The following CSDC2 variants were observed in gnomAD, a reference collection of about 807,000 sequenced individuals.
CSDC2 encodes cold shock domain containing C2, also known as cold shock domain-containing protein C2.
Under a neutral mutation model 15.8 loss-of-function variants are expected in CSDC2, and 8 were observed. The ratio of observed to expected loss-of-function variants is 0.51; its 90% CI spans 0.30 to 0.92. The LOEUF (loss-of-function observed/expected upper bound fraction) is 0.92, where lower values mean the gene tolerates loss of function less well. CSDC2 is among the 40% of genes least tolerant of loss of function. CSDC2 has a pLI of 0.07. For synonymous variants in CSDC2, 96 were observed against 92.3 expected, an observed-to-expected ratio of 1.04 and a Z score of -0.23; for missense variants, 195 against 213.3, an observed-to-expected ratio of 0.91 and a Z score of 0.53.
At chr22:41,570,995 A>AC (rs970566299) in intron 1 of CSDC2, among the ~76,000 whole-genome samples, 1 of 151,370 alleles carries the variant, frequency 6.6e-6, no homozygotes, top group Non-Finnish European at 1.5e-5. Context: ...AAAAAAAAAA[A>AC]AAAACAAAGG....
intron 1 of CSDC2, among the ~76,000 whole-genome samples, chr22:41,563,000 G>A (rs958737184): frequency 6.6e-6 from 1 of 152,036 alleles, no homozygotes; most frequent in Non-Finnish European, 1.5e-5. Context: ...ACTGGGGTGC[G>A]TATTTGGCTC....
At chr22:41,570,591 G>A (rs1291984062) in intron 1 of CSDC2, among the ~76,000 whole-genome samples, 3 of 152,096 alleles carry the variant, frequency 2.0e-5, no homozygotes, top group Non-Finnish European at 4.4e-5. Context: ...GGAGGCCGAG[G>A]GAGGTAGATC....
chr22:41,574,845 G>T lies in CSDC2; in HGVS notation c.412G>T (p.Ala138Ser). 6.2e-7 allele frequency: 1 copy of T among 1,611,576 alleles called. No individual in the cohort carries two copies. The highest frequency in any genetic ancestry group is 8.5e-7 in the Non-Finnish European group (1 of 1,179,156). The change falls in exon 4 of 4, where the codon GCC (alanine) becomes TCC (serine). Residue 138 changes from alanine (A) to serine (S), a missense_variant. Coordinates refer to ENST00000306149, the MANE Select transcript of CSDC2 (RefSeq NM_014460.4). ...QAVEVVLTQL[A>S]PHTPHETWSG... ...CGTGGAGGTGGTGCTCACTCAGCTG[G>T]CCCCCCACACTCCCCACGAGACGTG... is the stretch of plus-strand genomic sequence containing the variant.
intron 1 of CSDC2, among the ~76,000 whole-genome samples, chr22:41,567,980 C>T (rs943799376): frequency 2.0e-5 from 3 of 152,200 alleles, no homozygotes; most frequent in Non-Finnish European, 4.4e-5. Context: ...ACTCCCTCTT[C>T]CCTCAACACC....
At chr22:41,574,648 C>A in intron 3 of CSDC2, 85 bp from the exon 4 acceptor site, 1 of 1,513,620 alleles carries the variant, frequency 6.6e-7, no homozygotes, top group Non-Finnish European at 8.9e-7. Flanking sequence ...AGGCTTAGGG[C>A]CAGGCTGCCC....
chr22:41,563,185 C>T (rs920930039), intron 1 of CSDC2, among the ~76,000 whole-genome samples: 6 of 152,138 alleles, frequency 3.9e-5, no homozygotes, highest in African/African-American at 9.7e-5. Flanking sequence ...CGCAGGCACA[C>T]AGGCTGTGTG....
At chr22:41,572,934 GGT>G (rs2067155523) in intron 2 of CSDC2, among the ~76,000 whole-genome samples, 3 of 152,144 alleles carry the variant, frequency 2.0e-5, no homozygotes, top group Non-Finnish European at 4.4e-5. Flanking sequence ...GGAGTGCAGT[GGT>G]GCAGTCATGG....
chr22:41,574,610 A>G, intron 3 of CSDC2, 123 bp from the exon 4 acceptor site: 9 of 1,143,310 alleles, frequency 7.9e-6, no homozygotes, highest in Non-Finnish European at 1.1e-5. Flanking sequence ...CTGAGAAGCA[A>G]GGCCTGGCCA....
intron 1 of CSDC2, among the ~76,000 whole-genome samples, chr22:41,567,464 A>G (rs1480760463): frequency 6.6e-6 from 1 of 152,274 alleles, no homozygotes; most frequent in Non-Finnish European, 1.5e-5. Context: ...CATTCAGCCA[A>G]TGAAAGCCTC....
chr22:41,574,082 TG>T (rs1368913207), intron 3 of CSDC2, among the ~76,000 whole-genome samples: 2 of 152,148 alleles, frequency 1.3e-5, no homozygotes, highest in Non-Finnish European at 2.9e-5. Context: ...GGCCTTCATG[TG>T]GGTGGGCCAG....
chr22:41,572,431 TCCAC>T (rs1569049185), intron 2 of CSDC2, among the ~76,000 whole-genome samples: 7 of 116,506 alleles, frequency 6.0e-5, no homozygotes, highest in Non-Finnish European at 1.1e-4. Context: ...CATCCATCCA[TCCAC>T]CTGTCCATCC....
At chr22:41,572,382 A>T (rs1228570277) in intron 2 of CSDC2, among the ~76,000 whole-genome samples, 1 of 58,746 alleles carries the variant, frequency 1.7e-5, no homozygotes, top group Non-Finnish European at 3.3e-5. Flanking sequence ...CCACCCACCC[A>T]CCCACCCATC....
chr22:41,566,269 C>T lies in CSDC2; in HGVS notation c.-124+5086C>T, dbSNP rs1026531402. The stretch of plus-strand genomic sequence containing the variant: ...GACCATCCTGGCCAACATGGTGAAA[C>T]CTTGTCTGTACTAAAATACAAAAAA... On this transcript the variant is annotated intron_variant, in intron 1 of 3. Transcript: ENST00000306149. Among the ~76,000 whole-genome samples, 7 of 151,522 alleles carry T rather than the reference C, an allele frequency of 4.6e-5. No homozygotes were observed. The East Asian group carries it at 1.4e-3, about 30-fold the overall frequency.
chr22:41,572,047 C>T lies in CSDC2; in HGVS notation c.82C>T (p.His28Tyr), dbSNP rs780809577. ...CCCAGTCTGGCCCACCTTCCCCTTCCACAGGGAGGGCAGCAGGGTCTGGGA... is the reference window on the plus strand; with the variant it reads ...CCCAGTCTGGCCCACCTTCCCCTTCTACAGGGAGGGCAGCAGGGTCTGGGA... ...KSPVWPTFPF[H>Y]REGSRVWERG... The change falls in exon 2 of 4, where the codon CAC becomes TAC. Residue 28 changes from histidine (H) to tyrosine (Y), a missense_variant. Transcript: ENST00000306149. 6 of 1,366,908 alleles carry T rather than the reference C, an allele frequency of 4.4e-6. No homozygotes were observed. The highest frequency in any genetic ancestry group is 2.8e-6 in the Non-Finnish European group (3 of 1,058,504). The allele number at this position is 1,366,908 out of a possible 1,614,324, so 84.7% of individuals were successfully genotyped here.
At chr22:41,564,180 G>T (rs1405713217) in intron 1 of CSDC2, among the ~76,000 whole-genome samples, 3 of 152,016 alleles carry the variant, frequency 2.0e-5, no homozygotes. Context: ...ATGGGGCAAA[G>T]GGCTTGGCAC....
At chr22:41,566,903 G>A (rs1404306721) in intron 1 of CSDC2, among the ~76,000 whole-genome samples, 9 of 151,034 alleles carry the variant, frequency 6.0e-5, no homozygotes, top group Non-Finnish European at 1.0e-4. Context: ...CTCCAGCCTG[G>A]GCGACAGAGC....
chr22:41,573,793 C>T lies in CSDC2; in HGVS notation c.299+16C>T, dbSNP rs376695208. 29 of 1,605,872 alleles carry T rather than the reference C, an allele frequency of 1.8e-5. 1 individual carries two copies. In the South Asian group the frequency reaches 2.5e-4, roughly 14 times the overall value. On this transcript the variant is annotated intron_variant, in intron 3 of 3. Transcript: ENST00000306149. ...ATGTGTCTGAGTGAGTCCCCTCCAC[C>T]TCCCTGTTCTTGGCCCCTGCCCTAG... is the stretch of plus-strand genomic sequence containing the variant.
In CSDC2 at chr22:41,574,743, G is replaced by GA; in HGVS notation, c.311dup (p.Tyr105ValfsTer52). ...CTTCCTGCCCGCCAGCATCGAGGGG[G>GA]AGTACGTGCCAGTGGAGGGCGACGA... On this transcript the variant is annotated frameshift_variant, in exon 4 of 4. Transcript: ENST00000306149. LOFTEE classifies it high-confidence loss of function. 4 of 1,613,738 alleles carry GA rather than the reference G, an allele frequency of 2.5e-6. No individual in the cohort carries two copies. Among genetic ancestry groups the GA allele is most frequent in the Non-Finnish European group, 3.4e-6 (4 of 1,180,014 alleles).
intron 1 of CSDC2, among the ~76,000 whole-genome samples, chr22:41,566,305 G>T (rs552929711): frequency 1.3e-4 from 19 of 151,856 alleles, no homozygotes; most frequent in African/African-American, 4.6e-4. Flanking sequence ...TTAGCTGGGC[G>T]TGGTGGCACA....
Sources: gnomAD v4.1 joint callset for allele counts (sites outside exome capture counted in the v4.1 genomes callset) on GRCh38, gnomAD v4.1.1 for gene constraint, MANE v1.5 for transcripts, NCBI Gene and HGNC (gene_info 2026-07-23, HGNC 2026-07-21) for gene names.